VPS41: variants seen among roughly 807,000 people sequenced by gnomAD.
VPS41 encodes VPS41 subunit of HOPS complex.
In VPS41, 85 loss-of-function variants were observed where a neutral mutation model predicts 130.9. That is an observed-to-expected ratio of 0.65 (90% CI 0.55 to 0.78). VPS41 has a LOEUF of 0.78. Among genes scored for constraint, VPS41 ranks in the 30% least tolerant of loss-of-function variants. The pLI, the probability that VPS41 is intolerant of heterozygous loss-of-function variation, is 0.00. For synonymous variants in VPS41, 335 were observed against 332.9 expected, an observed-to-expected ratio of 1.01 and a Z score of -0.07; for missense variants, 874 against 1,018.7, an observed-to-expected ratio of 0.86 and a Z score of 1.93.
chr7:38,769,072 A>C (rs1784106453), intron 14 of VPS41, among the ~76,000 whole-genome samples: 1 of 152,062 alleles, frequency 6.6e-6, no homozygotes, highest in South Asian at 2.1e-4. Context: ...ACATACAGAA[A>C]ATTCACTACT....
chr7:38,791,300 C>A (rs150633397), intron 9 of VPS41, among the ~76,000 whole-genome samples: 159 of 152,296 alleles, frequency 1.0e-3, no homozygotes, highest in African/African-American at 3.4e-3. Flanking sequence ...GCCAAATGGA[C>A]AACTGTTTTA....
chr7:38,823,239 C>A (rs766605054), intron 5 of VPS41, among the ~76,000 whole-genome samples: 2 of 152,078 alleles, frequency 1.3e-5, no homozygotes, highest in Non-Finnish European at 2.9e-5. Context: ...ACTAGCTAGT[C>A]CTTTTGCTCT....
Position 38,843,651 on chromosome 7 carries a change from C to T in VPS41, c.247-13323G>A, listed in dbSNP as rs1188708967. ...GAGCCGAGATAGCACCACTGCAGTC[C>T]GGCCTGGGTGAAAGAGTGAGACTCC... On this transcript the variant is annotated intron_variant, in intron 4 of 28. Coordinates refer to ENST00000310301, the MANE Select transcript of VPS41 (RefSeq NM_014396.4). 2.7e-5 allele frequency among the ~76,000 whole-genome samples: 4 copies of T among 150,140 alleles called. 1 individual carries two copies. Among genetic ancestry groups the T allele is most frequent in the East Asian group, 3.9e-4 (2 of 5,096 alleles).
chr7:38,855,043 T>C (rs1191584263), intron 4 of VPS41, among the ~76,000 whole-genome samples: 2 of 151,796 alleles, frequency 1.3e-5, no homozygotes, highest in African/African-American at 4.8e-5. Flanking sequence ...ACCCTGTCTC[T>C]ACTAAAAATA....
intron 3 of VPS41, among the ~76,000 whole-genome samples, chr7:38,868,321 C>T (rs1786271483): frequency 6.6e-6 from 1 of 152,170 alleles, no homozygotes; most frequent in South Asian, 2.1e-4. Context: ...GGCATACATT[C>T]TAATAAAGTG....
chr7:38,845,128 T>C (rs1264047797), intron 4 of VPS41, among the ~76,000 whole-genome samples: 1 of 152,170 alleles, frequency 6.6e-6, no homozygotes, highest in Non-Finnish European at 1.5e-5. Context: ...TTAAACTTCA[T>C]CTTCTGCCTG....
chr7:38,795,482 A>T lies in VPS41; in HGVS notation c.700T>A (p.Trp234Arg), dbSNP rs762857209. 2 of 1,612,166 alleles carry T rather than the reference A, an allele frequency of 1.2e-6. No individual in the cohort carries two copies. Among genetic ancestry groups the T allele is most frequent in the Non-Finnish European group, 1.7e-6 (2 of 1,178,978 alleles). ...WKDNVTLIIG[W>R]GTSVKVCSVK... ...AAAACCACCTTGACAGAAGTCCCCC[A>T]GCCAATAATCAGTGTCACATTGTCC... is the stretch of plus-strand genomic sequence containing the variant. Residue 234 changes from tryptophan to arginine, a missense_variant, in exon 9 of 29, where the codon TGG becomes AGG. By Grantham distance (101) the Trp-to-Arg change is moderately radical. Coordinates refer to ENST00000310301, the MANE Select transcript of VPS41 (RefSeq NM_014396.4).
intron 22 of VPS41, 56 bp from the exon 23 acceptor site, chr7:38,745,669 G>T: frequency 8.4e-6 from 11 of 1,309,682 alleles, no homozygotes; most frequent in Non-Finnish European, 8.6e-6. Flanking sequence ...AGAACAAACA[G>T]TAATAAAGTC....
rs1322412330 is a variant in VPS41, at chr7:38,796,601, C to T, written c.570+144G>A. The T allele has an allele frequency of 4.2e-6, 5 of 1,190,182 alleles. No homozygotes were observed. The African/African-American group carries it at 7.5e-5, about 18-fold the overall frequency. 73.7% of individuals were successfully genotyped at this position (1,190,182 alleles called of 1,614,324 possible). On this transcript the variant is annotated intron_variant, in intron 8 of 28. Coordinates refer to ENST00000310301, the MANE Select transcript of VPS41 (RefSeq NM_014396.4). Reference sequence around the variant, plus strand: ...AAAGCAATCTAATTTCTTTAACCTCCTAGGTATGATACCAATCGTCCTTAC... The same window carrying T: ...AAAGCAATCTAATTTCTTTAACCTCTTAGGTATGATACCAATCGTCCTTAC...
intron 19 of VPS41, among the ~76,000 whole-genome samples, chr7:38,756,453 T>G (rs1190422893): frequency 2.0e-5 from 3 of 152,100 alleles, no homozygotes; most frequent in African/African-American, 7.2e-5. Flanking sequence ...AATAAGTCGG[T>G]CAAGATGGAA....
chr7:38,776,274 A>G (rs1450975925), intron 11 of VPS41, among the ~76,000 whole-genome samples: 1 of 152,188 alleles, frequency 6.6e-6, no homozygotes, highest in Non-Finnish European at 1.5e-5. Context: ...GTCTGGACCA[A>G]AGAAAATAAT....
chr7:38,862,704 A>C (rs1235661636), intron 3 of VPS41, 82 bp from the exon 4 acceptor site: 5 of 821,102 alleles, frequency 6.1e-6, no homozygotes, highest in Non-Finnish European at 9.9e-6. Flanking sequence ...TTTTAAAGAC[A>C]AGATGCTTAA....
chr7:38,849,505 G>A (rs1350951337), intron 4 of VPS41, among the ~76,000 whole-genome samples: 8 of 152,120 alleles, frequency 5.3e-5, no homozygotes, highest in African/African-American at 1.2e-4. Context: ...GGGGGAGCCC[G>A]AAAGGAGACA....
chr7:38,834,084 C>T (rs1476054008), intron 4 of VPS41, among the ~76,000 whole-genome samples: 1 of 148,970 alleles, frequency 6.7e-6, no homozygotes, highest in South Asian at 2.2e-4. Context: ...TTTGATGAAA[C>T]TCAATATCCA....
At chr7:38,733,136 T>C (rs1056080307) in intron 25 of VPS41, among the ~76,000 whole-genome samples, 1 of 152,226 alleles carries the variant, frequency 6.6e-6, no homozygotes, top group African/African-American at 2.4e-5. Context: ...CCAGCTATTT[T>C]TTAAAAGGAT....
intron 22 of VPS41, 73 bp from the exon 23 acceptor site, chr7:38,745,686 A>G: frequency 8.5e-7 from 1 of 1,179,670 alleles, no homozygotes; most frequent in South Asian, 1.3e-5. Flanking sequence ...AGTCATTTAA[A>G]CTTACACTTG....
chr7:38,872,122 G>A (rs933246565), intron 2 of VPS41, among the ~76,000 whole-genome samples: 1 of 152,150 alleles, frequency 6.6e-6, no homozygotes, highest in Non-Finnish European at 1.5e-5. Context: ...GGCCTGACTG[G>A]GTTTAGAGGA....
At chr7:38,746,986 C>T (rs188701876) in intron 22 of VPS41, among the ~76,000 whole-genome samples, 4 of 152,282 alleles carry the variant, frequency 2.6e-5, no homozygotes, top group Admixed American at 6.5e-5. Flanking sequence ...ACCAACACTT[C>T]CACGTGACAG....
At chr7:38,855,159 G>C (rs771069579) in intron 4 of VPS41, among the ~76,000 whole-genome samples, 1 of 140,524 alleles carries the variant, frequency 7.1e-6, no homozygotes. Context: ...GCAGTGAGCT[G>C]AGATTGCGCC....
Sources: allele counts gnomAD v4.1 joint callset (sites outside exome capture counted in the v4.1 genomes callset), GRCh38; gene constraint gnomAD v4.1.1; transcripts MANE v1.5; gene names NCBI Gene and HGNC (gene_info 2026-07-23, HGNC 2026-07-21).